The following PIEZO1 variants were observed in gnomAD, a reference collection of about 807,000 sequenced individuals.
PIEZO1 encodes piezo-type mechanosensitive ion channel component 1.
A neutral mutation model predicts 297.2 loss-of-function variants in PIEZO1; 296 were observed. The ratio of observed to expected loss-of-function variants is 1.00; its 90% CI spans 0.91 to 1.10. The LOEUF is 1.10. PIEZO1 is among the 50% of genes least tolerant of loss of function. PIEZO1 has a pLI of 0.00. For missense variants in PIEZO1, 5,018 were observed against 3,455.5 expected, an observed-to-expected ratio of 1.45 and a Z score of -11.34; for synonymous variants, 2,427 against 1,507.5, an observed-to-expected ratio of 1.61 and a Z score of -14.13.
chr16:88,773,546 A>G (rs1192108620), intron 1 of PIEZO1, among the ~76,000 whole-genome samples: 2 of 152,214 alleles, frequency 1.3e-5, no homozygotes, highest in Non-Finnish European at 2.9e-5. Flanking sequence ...CTGGGGGCTC[A>G]AGGCCACCCC....
rs1438302514 is a variant in PIEZO1, at chr16:88,732,646, A to G, written c.2751T>C (p.Phe917=). The G allele has an allele frequency of 1.7e-5, 26 of 1,549,592 alleles. No individual in the cohort carries two copies. The East Asian group carries it at 3.9e-4, about 23-fold the overall frequency. Residue 917 remains phenylalanine, a synonymous_variant, in exon 20 of 51, where the codon TTT becomes TTC. Transcript: ENST00000301015. ...GGTTGGGGAACCCTTTCCGCACCCC[A>G]AACCAGTTGGCAGGGTCCACGGGCC... ...YRGPVDPANW[F]GVRKGFPNLG...
chr16:88,777,222 C>A, intron 1 of PIEZO1, among the ~76,000 whole-genome samples: 1 of 152,226 alleles, frequency 6.6e-6, no homozygotes. Context: ...CCACCCGTCT[C>A]GGCCTCCCAA....
At chr16:88,757,333 G>GGGT (rs1906723830) in intron 1 of PIEZO1, among the ~76,000 whole-genome samples, 1 of 119,578 alleles carries the variant, frequency 8.4e-6, no homozygotes, top group African/African-American at 2.9e-5. Flanking sequence ...GGGGTGGGGG[G>GGGT]TAGTTACCTA....
intron 1 of PIEZO1, among the ~76,000 whole-genome samples, chr16:88,760,043 A>G (rs1291350397): frequency 7.9e-6 from 1 of 126,072 alleles, no homozygotes; most frequent in Non-Finnish European, 1.7e-5. Context: ...CCTGCCCCTC[A>G]AAGGCCCCAG....
intron 1 of PIEZO1, among the ~76,000 whole-genome samples, chr16:88,750,673 G>A (rs1906343831): frequency 6.6e-6 from 1 of 152,228 alleles, no homozygotes; most frequent in Non-Finnish European, 1.5e-5. Flanking sequence ...AGCCAGGCCT[G>A]CTTCCTCCTA....
Position 88,720,728 on chromosome 16 carries a change from C to G in PIEZO1, c.5689G>C (p.Glu1897Gln). 6.6e-7 allele frequency: 1 copy of G among 1,521,982 alleles called. No individual in the cohort carries two copies. The highest frequency in any genetic ancestry group is 1.3e-5 in the South Asian group (1 of 79,514). 94.3% of individuals were successfully genotyped at this position (1,521,982 alleles called of 1,614,324 possible). A position where few individuals can be genotyped will look rare whatever the true frequency, so the allele number is the denominator to read the frequency against. ...GCCTCTTTCTCTTCCTCCCCCTCTT[C>G]TTCCTCCCTGTCCTCAGCTTCTGTA... ...AAIEAEDREE[E>Q]EGEEEKEAPT... The change falls in exon 40 of 51, where the codon GAA becomes CAA. Residue 1897 changes from glutamate (E) to glutamine (Q), a missense_variant. Transcript: ENST00000301015.
At chr16:88,784,764 G>A (rs1468929475) in intron 1 of PIEZO1, 137 bp downstream of exon 1, 2 of 549,178 alleles carry the variant, frequency 3.6e-6, no homozygotes, top group East Asian at 4.3e-5. Context: ...GCGGGCGCCC[G>A]GGTCGCGCGT....
chr16:88,726,491 GC>G (rs1904443719), intron 26 of PIEZO1, 36 bp from the exon 27 acceptor site: 1 of 1,547,700 alleles, frequency 6.5e-7, no homozygotes, highest in Non-Finnish European at 8.7e-7. Flanking sequence ...CAGGCCCAGG[GC>G]CCAGGAGCAG....
At position 88,738,602 on chromosome 16, in the gene PIEZO1, C is replaced by A; in HGVS notation, c.600G>T (p.Gly200=). ...CAAGCAGTGTTACGGCCAGGACCCG[C>A]CCAGCCGCCACCAGCAGCCAGTGGG... is the stretch of plus-strand genomic sequence containing the variant. ...VTAHWLLVAA[G]RVLAVTLLAL... Residue 200 remains glycine, a synonymous_variant, in exon 6 of 51, where the codon GGG becomes GGT. Coordinates refer to ENST00000301015, the MANE Select transcript of PIEZO1 (RefSeq NM_001142864.4). 6.5e-7 allele frequency: 1 copy of A among 1,535,626 alleles called. No homozygotes were observed. Among genetic ancestry groups the A allele is most frequent in the Non-Finnish European group, 8.7e-7 (1 of 1,146,726 alleles).
chr16:88,768,629 T>C (rs2142895867), intron 1 of PIEZO1, among the ~76,000 whole-genome samples: 1 of 152,292 alleles, frequency 6.6e-6, no homozygotes, highest in Middle Eastern at 3.4e-3. Context: ...CAGGAGCTCG[T>C]CCACAGGGCA....
chr16:88,759,455 G>C (rs1476653910), intron 1 of PIEZO1, among the ~76,000 whole-genome samples: 2 of 152,170 alleles, frequency 1.3e-5, no homozygotes, highest in Non-Finnish European at 2.9e-5. Flanking sequence ...TCCAACTCCT[G>C]CAAGAGCGCT....
At chr16:88,724,678 G>C (rs1021095591) in intron 30 of PIEZO1, among the ~76,000 whole-genome samples, 2 of 152,184 alleles carry the variant, frequency 1.3e-5, no homozygotes, top group Non-Finnish European at 2.9e-5. Context: ...TGCAGTGACA[G>C]AGCGAGACTC....
chr16:88,720,434 G>A lies in PIEZO1; in HGVS notation c.5900C>T (p.Ala1967Val), dbSNP rs752506901. 6.4e-7 allele frequency: 1 copy of A among 1,550,530 alleles called. No homozygotes were observed. Among genetic ancestry groups the A allele is most frequent in the South Asian group, 1.2e-5 (1 of 84,058 alleles). Residue 1967 changes from alanine (A) to valine (V), a missense_variant, in exon 41 of 51, where the codon GCT becomes GTT. By Grantham distance (64) the Ala-to-Val change is moderately conservative (BLOSUM62 0). Coordinates refer to ENST00000301015, the MANE Select transcript of PIEZO1 (RefSeq NM_001142864.4). ...ATDVYALMFL[A>V]DVVDFIIIIF... The stretch of plus-strand genomic sequence containing the variant: ...GATGATGATGAAGTCGACAACATCA[G>A]CCAGGAACATGAGGGCATAGACGTC...
In PIEZO1 at chr16:88,715,922, C is replaced by T. The variant is rs1911985153; in HGVS notation, c.7316+11G>A. On this transcript the variant is annotated intron_variant, in intron 50 of 50. Transcript: ENST00000301015. ...CCGAGCTGCGGGGTGCCCCCCCAGC[C>T]ACTCACTCACCCGTAGCCAGCCAGG... 6.5e-7 allele frequency: 1 copy of T among 1,546,554 alleles called. No homozygotes were observed. Among genetic ancestry groups the T allele is most frequent in the Admixed American group, 2.0e-5 (1 of 50,906 alleles).
At chr16:88,722,521 T>C in intron 35 of PIEZO1, 62 bp downstream of exon 35, 1 of 1,437,598 alleles carries the variant, frequency 7.0e-7, no homozygotes, top group Non-Finnish European at 9.3e-7. Flanking sequence ...GGGTCGGGGA[T>C]GGCTAGGCGA....
chr16:88,760,101 G>T (rs1906861144), intron 1 of PIEZO1, among the ~76,000 whole-genome samples: 1 of 69,344 alleles, frequency 1.4e-5, no homozygotes, highest in African/African-American at 8.8e-5. Context: ...ACAAGCAGAG[G>T]TCCTGCCTCC....
intron 27 of PIEZO1, chr16:88,726,051 C>T (rs568726516): frequency 3.5e-6 from 2 of 575,038 alleles, no homozygotes; most frequent in East Asian, 2.9e-5. Flanking sequence ...GGGTGAGACA[C>T]CAGCCACCGT....
At chr16:88,725,811 A>C (rs1904383129) in intron 27 of PIEZO1, 127 bp from the exon 28 acceptor site, 1 of 634,918 alleles carries the variant, frequency 1.6e-6, no homozygotes, top group Non-Finnish European at 2.9e-6. Flanking sequence ...GACAAGAGGC[A>C]CCCACGGGGG....
chr16:88,736,474 G>A (rs1482600257), intron 11 of PIEZO1, 66 bp from the exon 12 acceptor site: 19 of 743,904 alleles, frequency 2.6e-5, no homozygotes, highest in East Asian at 1.9e-4. Context: ...CCACACCTGC[G>A]CGGCAGAGGG....
Sources: allele counts gnomAD v4.1 joint callset (sites outside exome capture counted in the v4.1 genomes callset), GRCh38; gene constraint gnomAD v4.1.1; transcripts MANE v1.5; gene names NCBI Gene and HGNC (gene_info 2026-07-23, HGNC 2026-07-21).